Variants in NLGN4X observed in about 807,000 individuals in gnomAD.
NLGN4X encodes neuroligin 4 X-linked.
In NLGN4X, 3 loss-of-function variants were observed where a neutral mutation model predicts 40.3. That is an observed-to-expected ratio of 0.07 (90% CI 0.03 to 0.19). The LOEUF (loss-of-function observed/expected upper bound fraction) is 0.19, where lower values mean the gene tolerates loss of function less well. Among genes scored for constraint, NLGN4X ranks in the 10% least tolerant of loss-of-function variants. The pLI, the probability that NLGN4X is intolerant of heterozygous loss-of-function variation, is 1.00. For missense variants in NLGN4X, 382 were observed against 708.3 expected, an observed-to-expected ratio of 0.54 and a Z score of 5.23; for synonymous variants, 270 against 306.8, an observed-to-expected ratio of 0.88 and a Z score of 1.25.
At chrX:5,977,687 T>C (rs1306798519) in intron 3 of NLGN4X, among the ~76,000 whole-genome samples, 3 of 111,410 alleles carry the variant, frequency 2.7e-5, no homozygotes, top group Admixed American at 9.6e-5. Context: ...CAACAAAGCA[T>C]AGATTTATGC....
At chrX:5,976,764 T>C (rs1027266961) in intron 3 of NLGN4X, among the ~76,000 whole-genome samples, 4 of 112,928 alleles carry the variant, frequency 3.5e-5, no homozygotes, top group Non-Finnish European at 7.5e-5. Flanking sequence ...CAGAAAGATG[T>C]TTTTAAAAAT....
chrX:6,111,811 G>A (rs990080961), intron 2 of NLGN4X, among the ~76,000 whole-genome samples: 1 of 111,462 alleles, frequency 9.0e-6, no homozygotes, highest in Non-Finnish European at 1.9e-5. Context: ...TTTTGTTATA[G>A]CAGCCTCGAC....
chrX:6,123,090 C>T (rs978576064), intron 2 of NLGN4X, among the ~76,000 whole-genome samples: 6 of 109,124 alleles, frequency 5.5e-5, no homozygotes, highest in Admixed American at 3.0e-4. Context: ...TGAGAATTTC[C>T]CAGAATGAAA....
chrX:6,102,399 G>A (rs1453884821), intron 2 of NLGN4X, among the ~76,000 whole-genome samples: 1 of 111,092 alleles, frequency 9.0e-6, no homozygotes, highest in Non-Finnish European at 1.9e-5. Flanking sequence ...TTCATGAATG[G>A]GATCAGTGCC....
chrX:6,196,537 G>C (rs1459373461), intron 1 of NLGN4X, among the ~76,000 whole-genome samples: 1 of 72,376 alleles, frequency 1.4e-5, no homozygotes, highest in African/African-American at 5.3e-5. Flanking sequence ...GGGCGACAGA[G>C]CGAGACTCTG....
At chrX:6,197,903 A>C (rs1006753641) in intron 1 of NLGN4X, among the ~76,000 whole-genome samples, 1 of 109,310 alleles carries the variant, frequency 9.1e-6, no homozygotes, top group East Asian at 2.9e-4. Flanking sequence ...GTCTCTACAA[A>C]AAAATACAAA....
intron 3 of NLGN4X, among the ~76,000 whole-genome samples, chrX:5,954,632 CTG>C (rs758089379): frequency 1.1e-4 from 10 of 90,798 alleles, no homozygotes; most frequent in African/African-American, 1.8e-4. Flanking sequence ...CTCTCTGTCT[CTG>C]TCTCTCTCTC....
chrX:6,086,579 G>A (rs149029039), intron 2 of NLGN4X, among the ~76,000 whole-genome samples: 1 of 111,596 alleles, frequency 9.0e-6, no homozygotes, highest in African/African-American at 3.3e-5. Context: ...CCAGTATTAC[G>A]GGTTTGGTTA....
intron 1 of NLGN4X, among the ~76,000 whole-genome samples, chrX:6,161,583 A>C (rs973335387): frequency 9.4e-6 from 1 of 106,643 alleles, no homozygotes; most frequent in Admixed American, 1.1e-4. Flanking sequence ...TATATAAAAC[A>C]TAGAAGCTTA....
intron 3 of NLGN4X, among the ~76,000 whole-genome samples, chrX:6,005,250 T>C (rs982606045): frequency 8.9e-6 from 1 of 112,325 alleles, no homozygotes; most frequent in Admixed American, 9.4e-5. Flanking sequence ...TTAACAGCTA[T>C]GCTGCATTGT....
Position 6,150,977 on chromosome X carries a change from T to A in NLGN4X, c.472+18A>T. On this transcript the variant is annotated intron_variant, in intron 2 of 5. Coordinates refer to ENST00000381095, the MANE Select transcript of NLGN4X (RefSeq NM_181332.3). ...ACTGCACAAGAGGTATTGTTTTCTG[T>A]TCCAGTGAGGTACTCACCATCTTCC... The A allele has an allele frequency of 3.4e-6, 4 of 1,174,337 alleles. No individual in the cohort carries two copies. Among genetic ancestry groups the A allele is most frequent in the Non-Finnish European group, 4.6e-6 (4 of 860,915 alleles).
intron 3 of NLGN4X, among the ~76,000 whole-genome samples, chrX:6,021,171 G>A (rs2036545081): frequency 9.6e-6 from 1 of 104,162 alleles, no homozygotes; most frequent in Non-Finnish European, 2.0e-5. Flanking sequence ...GGAACTCCTG[G>A]CCTCAAGGAA....
intron 1 of NLGN4X, among the ~76,000 whole-genome samples, chrX:6,204,859 T>C (rs1009752646): frequency 1.8e-5 from 2 of 111,642 alleles, no homozygotes; most frequent in African/African-American, 3.3e-5. Context: ...TCAGTAACAA[T>C]GTACCGAAGA....
At chrX:6,087,716 T>G (rs1346548511) in intron 2 of NLGN4X, among the ~76,000 whole-genome samples, 2 of 111,970 alleles carry the variant, frequency 1.8e-5, no homozygotes, top group Non-Finnish European at 3.8e-5. Flanking sequence ...ACTAGCAAAC[T>G]GTGAGAGTGC....
intron 2 of NLGN4X, among the ~76,000 whole-genome samples, chrX:6,105,400 G>A (rs5916304): frequency 9.1e-6 from 1 of 109,938 alleles, no homozygotes; most frequent in Non-Finnish European, 1.9e-5. Flanking sequence ...AATGTTTTAC[G>A]TGACATAATT....
chrX:6,123,270 G>A (rs2039464859), intron 2 of NLGN4X, among the ~76,000 whole-genome samples: 1 of 111,734 alleles, frequency 8.9e-6, no homozygotes, highest in Non-Finnish European at 1.9e-5. Context: ...ATGAAAACCA[G>A]GCTAATTGCA....
intron 2 of NLGN4X, among the ~76,000 whole-genome samples, chrX:6,125,994 T>G (rs1300207079): frequency 1.4e-5 from 1 of 69,630 alleles, no homozygotes; most frequent in African/African-American, 5.9e-5. Flanking sequence ...TTAAAAATGT[T>G]TCTTTTAAGA....
Position 5,920,960 on chromosome X carries a change from C to G in NLGN4X, c.626-11721G>C, listed in dbSNP as rs143595167. The stretch of plus-strand genomic sequence containing the variant: ...TGTGAGATGCTATTATTATCTTGTG[C>G]AAGAAGACAACGGCTGGGTGGTAGT... On this transcript the variant is annotated intron_variant, in intron 3 of 5. Coordinates refer to ENST00000381095, the MANE Select transcript of NLGN4X (RefSeq NM_181332.3). Among the ~76,000 whole-genome samples, 651 of 109,901 alleles carry G rather than the reference C, an allele frequency of 5.9e-3. 5 individuals are homozygous for G. The highest frequency in any genetic ancestry group is 9.4e-3 in the Middle Eastern group (2 of 213).
intron 3 of NLGN4X, among the ~76,000 whole-genome samples, chrX:6,009,491 T>G (rs995945388): frequency 8.9e-6 from 1 of 112,373 alleles, no homozygotes; most frequent in Non-Finnish European, 1.9e-5. Context: ...TCTGAAAACA[T>G]GATTTCTTGT....
Sources: gnomAD v4.1 joint callset for allele counts (sites outside exome capture counted in the v4.1 genomes callset) on GRCh38, gnomAD v4.1.1 for gene constraint, MANE v1.5 for transcripts, NCBI Gene and HGNC (gene_info 2026-07-23, HGNC 2026-07-21) for gene names.